The following DYNC1I1 variants were observed in gnomAD, a reference collection of about 807,000 sequenced individuals.
The protein encoded by DYNC1I1 is cytoplasmic dynein 1 intermediate chain 1.
DYNC1I1 carries 43 observed loss-of-function variants against 86.6 expected under a neutral mutation model. The observed-to-expected ratio is 0.50, with a 90% CI of 0.39 to 0.64. DYNC1I1 has a LOEUF of 0.64. DYNC1I1 is among the 30% of genes least tolerant of loss of function. The pLI, the probability that DYNC1I1 is intolerant of heterozygous loss-of-function variation, is 0.00. For synonymous variants in DYNC1I1, 262 were observed against 283.7 expected, an observed-to-expected ratio of 0.92 and a Z score of 0.77; for missense variants, 604 against 788.8, an observed-to-expected ratio of 0.77 and a Z score of 2.81.
intron 6 of DYNC1I1, among the ~76,000 whole-genome samples, chr7:95,876,460 A>G (rs752857534): frequency 7.2e-5 from 11 of 152,270 alleles, no homozygotes; most frequent in Non-Finnish European, 1.3e-4. Flanking sequence ...ACAAAATTCA[A>G]TGTTTTGAGA....
chr7:95,875,246 G>T (rs1045458469), intron 6 of DYNC1I1, among the ~76,000 whole-genome samples: 1 of 151,926 alleles, frequency 6.6e-6, no homozygotes, highest in Non-Finnish European at 1.5e-5. Context: ...ATATATATTG[G>T]AAAAATGCCC....
chr7:95,786,065 T>C (rs1794137036), intron 1 of DYNC1I1, among the ~76,000 whole-genome samples: 1 of 152,040 alleles, frequency 6.6e-6, no homozygotes, highest in South Asian at 2.1e-4. Flanking sequence ...AAATTCTTGA[T>C]ATTTTTTCAA....
rs997683768 is a variant in DYNC1I1 at position 95,984,709 on chromosome 7, C to T, written c.581-106C>T. The stretch of plus-strand genomic sequence containing the variant: ...ATTTGTTTCACTGTGTCTTGCCACT[C>T]GTTTGATAAGCAGTCTCTCTCAAGA... On this transcript the variant is annotated intron_variant, in intron 7 of 16. Coordinates refer to ENST00000447467, the MANE Select transcript of DYNC1I1 (RefSeq NM_001135556.2). 2.4e-5 allele frequency: 26 copies of T among 1,091,412 alleles called. No homozygotes were observed. In the East Asian group the frequency reaches 4.1e-4, roughly 17 times the overall value. The allele number at this position is 1,091,412 out of a possible 1,614,324, so 67.6% of individuals were successfully genotyped here.
intron 4 of DYNC1I1, among the ~76,000 whole-genome samples, chr7:95,821,840 A>G (rs1031803633): frequency 3.3e-5 from 5 of 152,202 alleles, no homozygotes; most frequent in Non-Finnish European, 7.3e-5. Flanking sequence ...AATGCTACCA[A>G]CAGTGTATGA....
At chr7:96,020,458 G>A (rs940649860) in intron 10 of DYNC1I1, among the ~76,000 whole-genome samples, 7 of 152,044 alleles carry the variant, frequency 4.6e-5, no homozygotes, top group Non-Finnish European at 8.8e-5. Context: ...ACCCGCCAGC[G>A]CAAGAACACC....
chr7:96,032,219 A>G (rs1188865527), intron 11 of DYNC1I1, among the ~76,000 whole-genome samples: 2 of 152,180 alleles, frequency 1.3e-5, no homozygotes, highest in Non-Finnish European at 2.9e-5. Flanking sequence ...CATTGTGACT[A>G]TAATGCATTA....
chr7:95,906,637 G>T (rs940721219), intron 6 of DYNC1I1, among the ~76,000 whole-genome samples: 7 of 151,056 alleles, frequency 4.6e-5, no homozygotes, highest in Non-Finnish European at 1.0e-4. Context: ...TGCTTTATTT[G>T]TTATTCAAAA....
At chr7:95,927,080 T>G (rs140165403) in intron 6 of DYNC1I1, among the ~76,000 whole-genome samples, 2 of 152,304 alleles carry the variant, frequency 1.3e-5, no homozygotes, top group East Asian at 3.9e-4. Flanking sequence ...CTGTAGTTTT[T>G]AATAATTCTG....
At chr7:95,857,207 C>G (rs527267121) in intron 5 of DYNC1I1, among the ~76,000 whole-genome samples, 35 of 152,136 alleles carry the variant, frequency 2.3e-4, no homozygotes, top group Non-Finnish European at 4.6e-4. Context: ...CCTGTGTCTT[C>G]TCAGTGCCTC....
chr7:95,928,545 A>AG (rs1374989404), intron 6 of DYNC1I1, among the ~76,000 whole-genome samples: 1 of 152,092 alleles, frequency 6.6e-6, no homozygotes, highest in Non-Finnish European at 1.5e-5. Context: ...CACAGGCTGC[A>AG]GGGGGAGTAT....
intron 6 of DYNC1I1, among the ~76,000 whole-genome samples, chr7:95,887,627 G>T (rs1790628930): frequency 6.6e-6 from 1 of 152,040 alleles, no homozygotes; most frequent in Non-Finnish European, 1.5e-5. Flanking sequence ...CAGATTTCTT[G>T]ATATACTAAA....
rs369801492 is a variant in DYNC1I1 at position 96,097,621 on chromosome 7, C to T, written c.*28C>T. 2.2e-5 allele frequency: 36 copies of T among 1,612,628 alleles called. No homozygotes were observed. In the African/African-American group the frequency reaches 4.4e-4, roughly 20 times the overall value. Reference sequence around the variant, plus strand: ...GAAATGAGCCACCCCCACTGCAGCCCCCACCTTTGTGTCCTAGAGCTCAGC... The same window carrying T: ...GAAATGAGCCACCCCCACTGCAGCCTCCACCTTTGTGTCCTAGAGCTCAGC... On this transcript the variant is annotated 3_prime_UTR_variant, in exon 17 of 17. Coordinates refer to ENST00000447467, the MANE Select transcript of DYNC1I1 (RefSeq NM_001135556.2).
intron 4 of DYNC1I1, among the ~76,000 whole-genome samples, chr7:95,816,120 C>A (rs968265280): frequency 6.6e-5 from 10 of 152,076 alleles, no homozygotes; most frequent in African/African-American, 2.4e-4. Context: ...TGGGCTCAAG[C>A]AATCCTCCTG....
At chr7:96,040,000 G>A (rs527999290) in intron 14 of DYNC1I1, among the ~76,000 whole-genome samples, 165 of 152,186 alleles carry the variant, frequency 1.1e-3, no homozygotes, top group African/African-American at 3.8e-3. Context: ...TTGGGAGGCC[G>A]AGGTGGGTGG....
At chr7:96,108,095 A>T (rs1316721986) in intron 16 of DYNC1I1, among the ~76,000 whole-genome samples, 1 of 152,134 alleles carries the variant, frequency 6.6e-6, no homozygotes, top group African/African-American at 2.4e-5. Context: ...TATAAGCTAT[A>T]GGCTTTATCA....
intron 6 of DYNC1I1, among the ~76,000 whole-genome samples, chr7:95,909,072 G>T (rs1050475322): frequency 6.6e-6 from 1 of 150,514 alleles, no homozygotes; most frequent in Non-Finnish European, 1.5e-5. Context: ...TGTGAAGACT[G>T]ATGAAATACC....
At chr7:95,824,259 C>T (rs1187439598) in intron 4 of DYNC1I1, among the ~76,000 whole-genome samples, 1 of 151,922 alleles carries the variant, frequency 6.6e-6, no homozygotes, top group East Asian at 1.9e-4. Flanking sequence ...TTCCAAAGTG[C>T]TGGGCTTACA....
At chr7:95,836,151 CT>C (rs1442266449) in intron 5 of DYNC1I1, among the ~76,000 whole-genome samples, 1 of 151,942 alleles carries the variant, frequency 6.6e-6, no homozygotes, top group Non-Finnish European at 1.5e-5. Context: ...TTCAGGAGCT[CT>C]TTTAGGGCAG....
intron 16 of DYNC1I1, among the ~76,000 whole-genome samples, chr7:96,096,978 GC>G (rs1408988789): frequency 6.6e-6 from 1 of 151,990 alleles, no homozygotes; most frequent in East Asian, 1.9e-4. Flanking sequence ...TACTGGAAAG[GC>G]CCAAGTACTA....
Sources: allele counts gnomAD v4.1 joint callset (sites outside exome capture counted in the v4.1 genomes callset), GRCh38; gene constraint gnomAD v4.1.1; transcripts MANE v1.5; gene names NCBI Gene and HGNC (gene_info 2026-07-23, HGNC 2026-07-21).